The following CNTN6 variants were observed in gnomAD, a reference collection of about 807,000 sequenced individuals.
CNTN6 encodes the protein contactin 6, also known as contactin-6.
A neutral mutation model predicts 122.8 loss-of-function variants in CNTN6; 137 were observed. That is an observed-to-expected ratio of 1.12 (90% CI 0.97 to 1.29). The LOEUF (loss-of-function observed/expected upper bound fraction) is 1.29, where lower values mean the gene tolerates loss of function less well. Ranked by LOEUF, CNTN6 falls within the 50% of genes most tolerant of loss-of-function variation. The pLI is 0.00. For synonymous variants in CNTN6, 570 were observed against 426.0 expected (o/e 1.34, Z -4.16); for missense variants, 1,634 against 1,223.4 (o/e 1.34, Z -5.01).
At chr3:1,164,626 A>T (rs541250171) in intron 2 of CNTN6, among the ~76,000 whole-genome samples, 1 of 152,304 alleles carries the variant, frequency 6.6e-6, no homozygotes, top group East Asian at 1.9e-4. Flanking sequence ...GTAGAATGTG[A>T]TTAGGATACT....
intron 5 of CNTN6, among the ~76,000 whole-genome samples, chr3:1,280,558 G>C (rs1332532118): frequency 2.2e-5 from 3 of 139,484 alleles, no homozygotes; most frequent in Non-Finnish European, 4.5e-5. Flanking sequence ...TCTGCCTCCT[G>C]GGTTCAAGCG....
chr3:1,148,953 A>C (rs562569200), intron 2 of CNTN6, among the ~76,000 whole-genome samples: 38 of 152,324 alleles, frequency 2.5e-4, no homozygotes, highest in Non-Finnish European at 5.0e-4. Flanking sequence ...CAAAAGACAG[A>C]AGAATGCAGC....
In CNTN6 at chr3:1,291,113, C is replaced by T. The variant is rs73816277; in HGVS notation, c.455-4488C>T. ...GGCATCTGAAGGATCTAGGTTCAAG[C>T]CCTGCTCCTCCCACATGTTATGAAT... is the stretch of plus-strand genomic sequence containing the variant. On this transcript the variant is annotated intron_variant, in intron 5 of 22. Coordinates refer to ENST00000446702, the MANE Select transcript of CNTN6 (RefSeq NM_001289080.2). 4.7e-3 allele frequency among the ~76,000 whole-genome samples: 719 copies of T among 152,176 alleles called. 7 individuals are homozygous for T. The highest frequency in any genetic ancestry group is 0.027 in the South Asian group (128 of 4,816).
intron 1 of CNTN6, among the ~76,000 whole-genome samples, chr3:1,136,858 T>C (rs1211034971): frequency 1.3e-5 from 2 of 152,196 alleles, no homozygotes; most frequent in Non-Finnish European, 2.9e-5. Context: ...GTCCAGTTAC[T>C]TAGTTCCTCC....
intron 11 of CNTN6, among the ~76,000 whole-genome samples, chr3:1,338,569 A>G (rs1475132607): frequency 1.3e-5 from 2 of 152,160 alleles, no homozygotes; most frequent in South Asian, 2.1e-4. Context: ...CATTCATTCT[A>G]TCTCACTGTT....
At chr3:1,224,684 C>T (rs1035153446) in intron 3 of CNTN6, among the ~76,000 whole-genome samples, 16 of 152,268 alleles carry the variant, frequency 1.1e-4, no homozygotes, top group African/African-American at 3.9e-4. Context: ...CATGCACACA[C>T]ACACACAAAC....
Position 1,383,397 on chromosome 3 carries a change from C to A in CNTN6, c.2506C>A (p.Leu836Met), listed in dbSNP as rs752851067. The change falls in exon 19 of 23, where the codon CTG becomes ATG. Residue 836 changes from leucine (L) to methionine (M), a missense_variant. Physicochemically the swap from Leu to Met is conservative, Grantham distance 15. Coordinates refer to ENST00000446702, the MANE Select transcript of CNTN6 (RefSeq NM_001289080.2). Reference sequence around the variant, plus strand: ...CTGGAATAGAAACACTGGAAGAGTGCTGGGCTATGAGGTAATCCACATTAA... The same window carrying A: ...CTGGAATAGAAACACTGGAAGAGTGATGGGCTATGAGGTAATCCACATTAA... ...IAWNRNTGRV[L>M]GYEVLYWTDD... The A allele has an allele frequency of 1.9e-6, 3 of 1,613,030 alleles. No individual in the cohort carries two copies. The highest frequency in any genetic ancestry group is 2.5e-6 in the Non-Finnish European group (3 of 1,179,068).
chr3:1,245,311 T>TACAC (rs1389595111), intron 4 of CNTN6, among the ~76,000 whole-genome samples: 194 of 17,604 alleles, frequency 0.011, 52 homozygotes, highest in African/African-American at 0.037. Context: ...TATATATATA[T>TACAC]ATATATATAT....
chr3:1,267,168 G>A (rs773044357), intron 4 of CNTN6, among the ~76,000 whole-genome samples: 2 of 151,818 alleles, frequency 1.3e-5, no homozygotes, highest in African/African-American at 2.4e-5. Context: ...CCAGTGACAG[G>A]GCAGACTCTG....
At chr3:1,333,834 T>C (rs935263021) in intron 11 of CNTN6, among the ~76,000 whole-genome samples, 8 of 152,148 alleles carry the variant, frequency 5.3e-5, no homozygotes, top group South Asian at 4.1e-4. Flanking sequence ...TGAAGAAGCT[T>C]AGACTTGGTG....
At chr3:1,317,281 A>G (rs1356443636) in intron 7 of CNTN6, among the ~76,000 whole-genome samples, 3 of 151,778 alleles carry the variant, frequency 2.0e-5, no homozygotes, top group Non-Finnish European at 2.9e-5. Context: ...AGCACACACT[A>G]TAATAGCCAG....
In CNTN6 at chr3:1,341,738, T is replaced by A. The variant is rs1278002260; in HGVS notation, c.1365-10586T>A. 2.6e-5 allele frequency among the ~76,000 whole-genome samples: 4 copies of A among 152,178 alleles called. No individual in the cohort carries two copies. In the East Asian group the frequency reaches 7.7e-4, roughly 29 times the overall value. ...ATGATAAATTTAGAGGTCTGAATAT[T>A]TGATGCTTCCTTTCTGCTTTGGAGT... is the stretch of plus-strand genomic sequence containing the variant. On this transcript the variant is annotated intron_variant, in intron 11 of 22. Coordinates refer to ENST00000446702, the MANE Select transcript of CNTN6 (RefSeq NM_001289080.2).
chr3:1,315,744 C>A (rs1700010875), intron 7 of CNTN6, among the ~76,000 whole-genome samples: 1 of 151,918 alleles, frequency 6.6e-6, no homozygotes. Flanking sequence ...CACACCCACA[C>A]ATCCATGTCT....
intron 4 of CNTN6, among the ~76,000 whole-genome samples, chr3:1,237,691 CAGA>C (rs1356727007): frequency 6.6e-6 from 1 of 152,126 alleles, no homozygotes; most frequent in Admixed American, 6.5e-5. Flanking sequence ...ATCAGATTAA[CAGA>C]AGATTTCTTA....
At chr3:1,251,814 AAAC>A (rs2125669672) in intron 4 of CNTN6, among the ~76,000 whole-genome samples, 1 of 152,238 alleles carries the variant, frequency 6.6e-6, no homozygotes, top group East Asian at 1.9e-4. Context: ...CACATACCTC[AAAC>A]AACATTTTCC....
At chr3:1,093,307 C>A (rs138342725) in intron 1 of CNTN6, among the ~76,000 whole-genome samples, 187 bp downstream of exon 1, 3 of 152,148 alleles carry the variant, frequency 2.0e-5, no homozygotes, top group Non-Finnish European at 4.4e-5. Context: ...TGCATTTATT[C>A]CTTGTGTGGG....
chr3:1,119,287 G>C (rs2091856206), intron 1 of CNTN6, among the ~76,000 whole-genome samples: 1 of 137,494 alleles, frequency 7.3e-6, no homozygotes, highest in Admixed American at 7.4e-5. Flanking sequence ...GAATATTAAT[G>C]TCTAGGAACA....
intron 20 of CNTN6, 60 bp from the exon 21 acceptor site, chr3:1,401,373 A>G: frequency 7.3e-7 from 1 of 1,365,452 alleles, no homozygotes; most frequent in East Asian, 2.3e-5. Flanking sequence ...ATGTTGATGC[A>G]TCATACTTTG....
intron 4 of CNTN6, among the ~76,000 whole-genome samples, chr3:1,245,138 G>A (rs1478225949): frequency 3.1e-4 from 1 of 3,218 alleles, no homozygotes; most frequent in Non-Finnish European, 5.4e-4. Context: ...ATTTGCAATA[G>A]CAAAATATGG....
Sources: gnomAD v4.1 joint callset for allele counts (sites outside exome capture counted in the v4.1 genomes callset) on GRCh38, gnomAD v4.1.1 for gene constraint, MANE v1.5 for transcripts, NCBI Gene and HGNC (gene_info 2026-07-23, HGNC 2026-07-21) for gene names.